The following NR6A1 variants were observed in gnomAD, a reference collection of about 807,000 sequenced individuals.
NR6A1 encodes nuclear receptor subfamily 6 group A member 1, also known as retinoic acid receptor-related testis-associated receptor.
Under a neutral mutation model 59.1 loss-of-function variants are expected in NR6A1, and 7 were observed. The ratio of observed to expected loss-of-function variants is 0.12; its 90% CI spans 0.07 to 0.22. The LOEUF (loss-of-function observed/expected upper bound fraction) is 0.22, where lower values mean the gene tolerates loss of function less well. NR6A1 is among the 10% of genes least tolerant of loss of function. NR6A1 has a pLI of 1.00. For synonymous variants in NR6A1, 243 were observed against 236.1 expected (o/e 1.03, Z -0.27); for missense variants, 468 against 611.6 (o/e 0.77, Z 2.48).
chr9:124,626,787 A>G (rs546263885), intron 2 of NR6A1, among the ~76,000 whole-genome samples: 1 of 152,044 alleles, frequency 6.6e-6, no homozygotes, highest in Non-Finnish European at 1.5e-5. Flanking sequence ...TACAAAAATT[A>G]GCCGGGCGTA....
intron 2 of NR6A1, among the ~76,000 whole-genome samples, chr9:124,725,580 G>C (rs960165790): frequency 6.6e-6 from 1 of 152,080 alleles, no homozygotes; most frequent in South Asian, 2.1e-4. Flanking sequence ...TTCCTATCAG[G>C]AATCTGGGGA....
intron 2 of NR6A1, among the ~76,000 whole-genome samples, chr9:124,574,747 TATC>T (rs1394922775): frequency 1.3e-5 from 2 of 152,148 alleles, no homozygotes; most frequent in African/African-American, 2.4e-5. Context: ...CACATGAAAA[TATC>T]ATGCTCAGAA....
At chr9:124,559,267 C>T (rs1169159777) in intron 2 of NR6A1, among the ~76,000 whole-genome samples, 1 of 152,148 alleles carries the variant, frequency 6.6e-6, no homozygotes, top group African/African-American at 2.4e-5. Context: ...AAGAGTTGCC[C>T]CATACTCTTA....
chr9:124,653,782 G>C (rs1837170915), intron 2 of NR6A1, among the ~76,000 whole-genome samples: 1 of 152,318 alleles, frequency 6.6e-6, no homozygotes, highest in East Asian at 1.9e-4. Flanking sequence ...AACCCTACTA[G>C]AGTCAGAATA....
At chr9:124,595,652 G>A (rs572167124) in intron 2 of NR6A1, 12 of 514,380 alleles carry the variant, frequency 2.3e-5, no homozygotes, top group South Asian at 1.7e-4. Flanking sequence ...AAAAACAGTT[G>A]CCTGTGGACT....
chr9:124,637,532 A>C (rs1836644934), intron 2 of NR6A1, among the ~76,000 whole-genome samples: 1 of 152,206 alleles, frequency 6.6e-6, no homozygotes, highest in Non-Finnish European at 1.5e-5. Context: ...AAAAAGACTC[A>C]AGAGAGGTTA....
intron 2 of NR6A1, among the ~76,000 whole-genome samples, chr9:124,683,848 T>C (rs1461063266): frequency 6.6e-6 from 1 of 152,174 alleles, no homozygotes; most frequent in Non-Finnish European, 1.5e-5. Context: ...ATTTTACAGA[T>C]GAAAACCTGA....
chr9:124,759,321 G>A (rs567159991), intron 1 of NR6A1, among the ~76,000 whole-genome samples: 3 of 152,246 alleles, frequency 2.0e-5, no homozygotes, highest in South Asian at 4.1e-4. Flanking sequence ...TGGCCATCTC[G>A]TCTTAATCTG....
chr9:124,595,715 A>G lies in NR6A1; in HGVS notation c.143-41145T>C, dbSNP rs529876196. The G allele has an allele frequency of 2.3e-4, 260 of 1,146,270 alleles. 1 individual carries two copies. Among genetic ancestry groups the G allele is most frequent in the Middle Eastern group, 9.0e-4 (4 of 4,452 alleles). The allele number at this position is 1,146,270 out of a possible 1,614,324, so 71.0% of individuals were successfully genotyped here. ...CTCTAAACCTTCAAAGAAAATTTCT[A>G]ACCCTTAGATTTGGGCCCCAGACTG... On this transcript the variant is annotated intron_variant, in intron 2 of 9. Transcript: ENST00000487099.
At chr9:124,672,080 G>A (rs947682541) in intron 2 of NR6A1, among the ~76,000 whole-genome samples, 13 of 152,028 alleles carry the variant, frequency 8.6e-5, no homozygotes, top group Admixed American at 2.6e-4. Flanking sequence ...GCCTGACTTC[G>A]TTTCCTCAAC....
intron 2 of NR6A1, among the ~76,000 whole-genome samples, chr9:124,642,831 G>T (rs183410035): frequency 4.6e-5 from 7 of 152,232 alleles, no homozygotes; most frequent in African/African-American, 1.7e-4. Context: ...AGGTAGCAGG[G>T]GAGACCACAG....
At chr9:124,755,133 T>C (rs1840600435) in intron 1 of NR6A1, among the ~76,000 whole-genome samples, 1 of 150,258 alleles carries the variant, frequency 6.7e-6, no homozygotes, top group South Asian at 2.1e-4. Context: ...AGTAACTCCT[T>C]TCTGCAAAGA....
intron 2 of NR6A1, among the ~76,000 whole-genome samples, chr9:124,598,434 G>A (rs577471551): frequency 1.5e-4 from 23 of 150,938 alleles, no homozygotes; most frequent in Non-Finnish European, 3.1e-4. Flanking sequence ...AGAGAAAACA[G>A]GAAATCAACA....
chr9:124,682,207 G>A (rs916772646), intron 2 of NR6A1, among the ~76,000 whole-genome samples: 2 of 151,870 alleles, frequency 1.3e-5, no homozygotes, highest in East Asian at 3.9e-4. Context: ...TCACCATGTC[G>A]GCCAGGCTGG....
At chr9:124,758,521 A>C (rs1564270389) in intron 1 of NR6A1, among the ~76,000 whole-genome samples, 3 of 152,222 alleles carry the variant, frequency 2.0e-5, no homozygotes, top group Admixed American at 6.5e-5. Flanking sequence ...AACTGTACTC[A>C]AAAAAGAGAA....
At chr9:124,763,366 A>C (rs181594440) in intron 1 of NR6A1, among the ~76,000 whole-genome samples, 1 of 152,380 alleles carries the variant, frequency 6.6e-6, no homozygotes, top group African/African-American at 2.4e-5. Context: ...TTGTTTCTGC[A>C]AAATCAGTGT....
chr9:124,615,990 G>A (rs1835877926), intron 2 of NR6A1, among the ~76,000 whole-genome samples: 1 of 151,814 alleles, frequency 6.6e-6, no homozygotes, highest in Non-Finnish European at 1.5e-5. Flanking sequence ...GCCTCACAAA[G>A]CTGGGATTAC....
At chr9:124,742,535 G>A (rs1403150933) in intron 1 of NR6A1, among the ~76,000 whole-genome samples, 3 of 151,806 alleles carry the variant, frequency 2.0e-5, no homozygotes, top group African/African-American at 7.3e-5. Flanking sequence ...ACTCCAGCCT[G>A]GGCAGGAAGA....
intron 2 of NR6A1, among the ~76,000 whole-genome samples, chr9:124,711,318 C>G (rs143924839): frequency 1.8e-3 from 274 of 151,672 alleles, no homozygotes; most frequent in Middle Eastern, 0.01. Context: ...TTTCACAGCC[C>G]TATAAATTCT....
Sources: gnomAD v4.1 joint callset for allele counts (sites outside exome capture counted in the v4.1 genomes callset) on GRCh38, gnomAD v4.1.1 for gene constraint, MANE v1.5 for transcripts, NCBI Gene and HGNC (gene_info 2026-07-23, HGNC 2026-07-21) for gene names.